Variants in CEP83 observed in about 807,000 individuals in gnomAD.
The protein encoded by CEP83 is centrosomal protein of 83 kDa.
CEP83 carries 70 observed loss-of-function variants against 101.9 expected under a neutral mutation model. The ratio of observed to expected loss-of-function variants is 0.69; its 90% CI spans 0.57 to 0.84. The LOEUF (loss-of-function observed/expected upper bound fraction) is 0.84, where lower values mean the gene tolerates loss of function less well. Ranked by LOEUF, CEP83 falls within the 40% of genes least tolerant of loss-of-function variation. The pLI is 0.00. For missense variants in CEP83, 715 were observed against 787.2 expected (o/e 0.91, Z 1.10); for synonymous variants, 264 against 267.9 (o/e 0.99, Z 0.14).
intron 6 of CEP83, among the ~76,000 whole-genome samples, chr12:94,386,542 C>G (rs1032950227): frequency 6.6e-6 from 1 of 152,188 alleles, no homozygotes; most frequent in Non-Finnish European, 1.5e-5. Flanking sequence ...TATCTCTGCA[C>G]AGTGGCCTGG....
the CEP83 span, chr12:94,282,354 A>C: frequency 1.9e-6 from 3 of 1,614,066 alleles, no homozygotes; most frequent in Non-Finnish European, 1.7e-6. Context: ...TTCCTCCGTG[A>C]TTCTTGAAGA....
the CEP83 span, chr12:94,282,533 A>C: frequency 4.7e-6 from 3 of 641,456 alleles, no homozygotes; most frequent in South Asian, 5.8e-5. Flanking sequence ...CTGGGGCTGA[A>C]GTTTTCTTTC....
chr12:94,367,760 C>T, intron 11 of CEP83, 34 bp downstream of exon 11: 1 of 1,484,768 alleles, frequency 6.7e-7, no homozygotes, highest in Non-Finnish European at 9.0e-7. Context: ...CTTATTTCAA[C>T]ATGAAAAACT....
rs367764494 is a variant in CEP83, at chr12:94,370,036, C to T, written c.934G>A (p.Val312Ile). 3.9e-6 allele frequency: 6 copies of T among 1,543,846 alleles called. No individual in the cohort carries two copies. Among genetic ancestry groups the T allele is most frequent in the East Asian group, 4.5e-5 (2 of 44,408 alleles). The change falls in exon 9 of 17, where the codon GTA becomes ATA. Residue 312 changes from valine to isoleucine, a missense_variant and splice_region_variant. Val to Ile is a conservative substitution (Grantham distance 29). Coordinates refer to ENST00000397809, the MANE Select transcript of CEP83 (RefSeq NM_016122.3). ...EREINTLSSKVKELKHSNKLE... is the reference protein window; with the variant it reads ...EREINTLSSKIKELKHSNKLE... ...TTGTTTGAATGTTTAAGTTCTTTTA[C>T]CTGTTGATAATTAAAAACTGAAATT...
intron 2 of CEP83, chr12:94,423,866 G>C: frequency 6.2e-7 from 1 of 1,612,650 alleles, no homozygotes; most frequent in Non-Finnish European, 8.5e-7. Context: ...GGTGTACTGG[G>C]AGATGTAAGC....
intron 8 of CEP83, among the ~76,000 whole-genome samples, chr12:94,373,806 T>G (rs908629817): frequency 2.0e-5 from 3 of 152,226 alleles, no homozygotes; most frequent in African/African-American, 7.2e-5. Flanking sequence ...CCCCAGGTGT[T>G]CCTTTGCACT....
At chr12:94,279,218 T>C in the CEP83 span, among the ~76,000 whole-genome samples, 2 of 152,232 alleles carry the variant, frequency 1.3e-5, no homozygotes, top group Non-Finnish European at 2.9e-5. Flanking sequence ...TATGTGTATA[T>C]GTATATTTTA....
chr12:94,439,615 A>G (rs1349326460), intron 1 of CEP83, among the ~76,000 whole-genome samples: 1 of 152,134 alleles, frequency 6.6e-6, no homozygotes. Context: ...CAGACATTCA[A>G]AGAAGAATTG....
chr12:94,433,488 C>A (rs1025178710), intron 2 of CEP83, among the ~76,000 whole-genome samples: 2 of 151,936 alleles, frequency 1.3e-5, no homozygotes, highest in Non-Finnish European at 2.9e-5. Flanking sequence ...CAAGAACAGC[C>A]TGGGCAACAT....
chr12:94,278,150 AAAAAC>A, the CEP83 span: 1 of 397,502 alleles, frequency 2.5e-6, no homozygotes, highest in Non-Finnish European at 5.0e-6. Flanking sequence ...TAAAACCAAA[AAAAAC>A]AAAACAAAAT....
chr12:94,419,066 AT>A (rs1056604214), intron 2 of CEP83, among the ~76,000 whole-genome samples: 30 of 152,138 alleles, frequency 2.0e-4, no homozygotes, highest in African/African-American at 6.3e-4. Context: ...AAAAAAAAAA[AT>A]CTTTATATAC....
chr12:94,396,655 T>G (rs2062919145), intron 6 of CEP83, among the ~76,000 whole-genome samples: 1 of 152,148 alleles, frequency 6.6e-6, no homozygotes, highest in South Asian at 2.1e-4. Flanking sequence ...CTTTTTAGTT[T>G]ATAATATCAT....
At chr12:94,449,423 A>G (rs1029184195) in intron 1 of CEP83, among the ~76,000 whole-genome samples, 1 of 152,142 alleles carries the variant, frequency 6.6e-6, no homozygotes, top group African/African-American at 2.4e-5. Flanking sequence ...ATTCCTTAAT[A>G]ATAATCAGAC....
At chr12:94,301,192 AT>A in the CEP83 span, 2 of 560,000 alleles carry the variant, frequency 3.6e-6, no homozygotes, top group South Asian at 5.8e-5. Flanking sequence ...GCCACTGTCA[AT>A]TTGCTGTTAT....
intron 15 of CEP83, 72 bp downstream of exon 15, chr12:94,312,842 G>C: frequency 1.6e-6 from 2 of 1,250,976 alleles, no homozygotes; most frequent in East Asian, 5.3e-5. Flanking sequence ...AAGAAGGTAC[G>C]TTATACTTAG....
chr12:94,360,430 T>G (rs573348420), intron 11 of CEP83, among the ~76,000 whole-genome samples: 1 of 152,028 alleles, frequency 6.6e-6, no homozygotes, highest in Admixed American at 6.5e-5. Context: ...AGTTTCAGGA[T>G]AAAAAAACTC....
intron 2 of CEP83, chr12:94,424,762 G>A: frequency 4.3e-6 from 7 of 1,611,848 alleles, no homozygotes; most frequent in Non-Finnish European, 5.9e-6. Context: ...CAAGATCTTG[G>A]TCAGTAGTGC....
Position 94,308,870 on chromosome 12 carries a change from T to C in CEP83, c.2049A>G (p.Glu683=). Residue 683 remains glutamate (E), a synonymous_variant, in exon 17 of 17, where the codon GAA becomes GAG. Transcript: ENST00000397809. Reference sequence around the variant, plus strand: ...GTTTTCTTTGTGTTGTTTCCAGTTCTTCTAGTCTTTTGCGAAGTAGAGAGA... The same window carrying C: ...GTTTTCTTTGTGTTGTTTCCAGTTCCTCTAGTCTTTTGCGAAGTAGAGAGA... ...RELSLLRKRL[E]ELETTQRKQL... 1 of 1,613,050 alleles carries C rather than the reference T, an allele frequency of 6.2e-7. No homozygotes were observed. Among genetic ancestry groups the C allele is most frequent in the Non-Finnish European group, 8.5e-7 (1 of 1,179,158 alleles).
At chr12:94,374,565 T>C (rs542401806) in intron 8 of CEP83, among the ~76,000 whole-genome samples, 1 of 152,314 alleles carries the variant, frequency 6.6e-6, no homozygotes, top group African/African-American at 2.4e-5. Context: ...ATAATCTACT[T>C]ACAGTTAATC....
Sources: gnomAD v4.1 joint callset for allele counts (sites outside exome capture counted in the v4.1 genomes callset) on GRCh38, gnomAD v4.1.1 for gene constraint, MANE v1.5 for transcripts, NCBI Gene and HGNC (gene_info 2026-07-23, HGNC 2026-07-21) for gene names.